Variants in NPAS2 observed in about 807,000 individuals in gnomAD.
NPAS2 encodes the protein neuronal PAS domain protein 2.
Under a neutral mutation model 107.5 loss-of-function variants are expected in NPAS2, and 23 were observed. That is an observed-to-expected ratio of 0.21 (90% CI 0.15 to 0.30). The LOEUF is 0.30. Among genes scored for constraint, NPAS2 ranks in the 10% least tolerant of loss-of-function variants. NPAS2 has a pLI of 1.00. For missense variants in NPAS2, 756 were observed against 1,043.3 expected (o/e 0.72, Z 3.79); for synonymous variants, 403 against 417.5 (o/e 0.97, Z 0.42).
chr2:100,975,032 C>A lies in NPAS2; in HGVS notation c.1282+88C>A, dbSNP rs539184172. 2.7e-6 allele frequency: 4 copies of A among 1,458,774 alleles called. No individual in the cohort carries two copies. The African/African-American group carries it at 4.2e-5, about 15-fold the overall frequency. The allele number at this position is 1,458,774 out of a possible 1,614,324, so 90.4% of individuals were successfully genotyped here. A position where few individuals can be genotyped will look rare whatever the true frequency, so the allele number is the denominator to read the frequency against. On this transcript the variant is annotated intron_variant, in intron 13 of 20. Transcript: ENST00000335681. ...AGAGGGTCCCGGGCCCAAGTGGAAT[C>A]AGGGCAGTCTGTGCCTCCGACAGAG...
Position 100,937,744 on chromosome 2 carries a change from T to C in NPAS2, c.274-9T>C. On this transcript the variant is annotated splice_polypyrimidine_tract_variant and intron_variant, in intron 4 of 20. Transcript: ENST00000335681. ...GCTAAGGAGCTTTCAAATGTTGCAT[T>C]TTCCACAGGCATTAGATGGCTTCAT... The C allele has an allele frequency of 6.2e-7, 1 of 1,611,632 alleles. No individual in the cohort carries two copies. Among genetic ancestry groups the C allele is most frequent in the Non-Finnish European group, 8.5e-7 (1 of 1,177,676 alleles).
At chr2:100,917,171 A>G (rs1468098415) in intron 2 of NPAS2, among the ~76,000 whole-genome samples, 1 of 152,216 alleles carries the variant, frequency 6.6e-6, no homozygotes, top group Non-Finnish European at 1.5e-5. Flanking sequence ...ATAAACACAG[A>G]AAGTAATAAA....
chr2:100,832,208 G>C (rs144679539), intron 1 of NPAS2, among the ~76,000 whole-genome samples: 7 of 152,296 alleles, frequency 4.6e-5, no homozygotes, highest in African/African-American at 7.2e-5. Flanking sequence ...GAACTGTGCT[G>C]ATTCCTGACT....
chr2:100,859,013 C>T (rs979970110), intron 1 of NPAS2, among the ~76,000 whole-genome samples: 8 of 152,112 alleles, frequency 5.3e-5, no homozygotes, highest in Non-Finnish European at 1.2e-4. Context: ...GCCTGTAATC[C>T]CAGCACTTTG....
At chr2:100,919,414 C>T (rs980729790) in intron 2 of NPAS2, among the ~76,000 whole-genome samples, 2 of 152,208 alleles carry the variant, frequency 1.3e-5, no homozygotes, top group African/African-American at 4.8e-5. Context: ...TTTAAAGCAC[C>T]CACCGTCAGC....
intron 7 of NPAS2, among the ~76,000 whole-genome samples, chr2:100,962,602 G>A (rs1312321805): frequency 1.3e-5 from 2 of 152,218 alleles, no homozygotes; most frequent in Non-Finnish European, 2.9e-5. Context: ...TAGGGCCCAG[G>A]CAGCGGTGCC....
Position 100,977,662 on chromosome 2 carries a change from C to T in NPAS2, c.1393-48C>T, listed in dbSNP as rs546703948. On this transcript the variant is annotated intron_variant, in intron 14 of 20. Coordinates refer to ENST00000335681, the MANE Select transcript of NPAS2 (RefSeq NM_002518.4). ...GGACCAAGAGACCACATCCCTGTCC[C>T]CTGGAATGGCAGAAGCAGTGGTAAC... The T allele has an allele frequency of 2.2e-4, 341 of 1,529,428 alleles. 1 individual carries two copies. The South Asian group carries it at 2.8e-3, about 13-fold the overall frequency. 94.7% of individuals were successfully genotyped at this position (1,529,428 alleles called of 1,614,324 possible).
chr2:100,842,009 T>C (rs1461983092), intron 1 of NPAS2, among the ~76,000 whole-genome samples: 1 of 151,850 alleles, frequency 6.6e-6, no homozygotes. Context: ...ACAGTACACA[T>C]ATACACACAT....
chr2:100,954,709 G>C (rs1180714066), intron 7 of NPAS2, among the ~76,000 whole-genome samples: 1 of 142,810 alleles, frequency 7.0e-6, no homozygotes, highest in East Asian at 2.0e-4. Flanking sequence ...AAAGAAACTA[G>C]AAAACATAGC....
chr2:100,876,811 C>T (rs1337263853), intron 1 of NPAS2, among the ~76,000 whole-genome samples: 5 of 152,192 alleles, frequency 3.3e-5, no homozygotes, highest in African/African-American at 9.7e-5. Context: ...GCAGAGAGCA[C>T]TCCCCGACTC....
At chr2:100,871,804 A>G (rs1376602623) in intron 1 of NPAS2, among the ~76,000 whole-genome samples, 2 of 152,102 alleles carry the variant, frequency 1.3e-5, no homozygotes, top group African/African-American at 2.4e-5. Flanking sequence ...TCATCTCTGC[A>G]TGCTGAAAGA....
intron 1 of NPAS2, among the ~76,000 whole-genome samples, chr2:100,895,044 C>G (rs12986838): frequency 0.43 from 65,725 of 151,992 alleles, 15,261 homozygotes; most frequent in African/African-American, 0.59. Flanking sequence ...GTACTGTATA[C>G]AGTTATCACT....
intron 1 of NPAS2, among the ~76,000 whole-genome samples, chr2:100,860,174 A>T (rs1678850279): frequency 6.6e-6 from 1 of 152,134 alleles, no homozygotes; most frequent in Non-Finnish European, 1.5e-5. Context: ...TGGTTCTCTA[A>T]GTCTTCACTT....
rs10165773 is a variant in NPAS2, at chr2:100,852,823, C to G, written c.-23+32409C>G. 9.0e-3 allele frequency among the ~76,000 whole-genome samples: 1,366 copies of G among 152,222 alleles called. 20 individuals carry two copies. The highest frequency in any genetic ancestry group is 0.032 in the African/African-American group (1,314 of 41,532). On this transcript the variant is annotated intron_variant, in intron 1 of 20. Coordinates refer to ENST00000335681, the MANE Select transcript of NPAS2 (RefSeq NM_002518.4). ...GCCTGCCCCCTGCACAGGCACCAGACTCGGTAGGTTAGCACTAGTTCCTGC... is the reference window on the plus strand; with the variant it reads ...GCCTGCCCCCTGCACAGGCACCAGAGTCGGTAGGTTAGCACTAGTTCCTGC...
intron 12 of NPAS2, among the ~76,000 whole-genome samples, chr2:100,974,231 T>C (rs1342850654): frequency 6.6e-6 from 1 of 152,196 alleles, no homozygotes; most frequent in Non-Finnish European, 1.5e-5. Context: ...TCACAGCTGC[T>C]TTCTCGTCAC....
intron 10 of NPAS2, among the ~76,000 whole-genome samples, chr2:100,967,802 G>A (rs1368469696): frequency 2.0e-5 from 3 of 152,126 alleles, no homozygotes; most frequent in Non-Finnish European, 4.4e-5. Flanking sequence ...ATCTGTCCCC[G>A]ACTCTTTATT....
chr2:100,967,161 T>A (rs1020314039), intron 10 of NPAS2, among the ~76,000 whole-genome samples: 1 of 151,904 alleles, frequency 6.6e-6, no homozygotes, highest in African/African-American at 2.4e-5. Flanking sequence ...AAGACCTCCT[T>A]GCCCTGTGGA....
chr2:100,915,262 C>T (rs187879966), intron 2 of NPAS2, among the ~76,000 whole-genome samples: 1 of 152,252 alleles, frequency 6.6e-6, no homozygotes, highest in Non-Finnish European at 1.5e-5. Flanking sequence ...CTGCTTTCTT[C>T]CCCCTTGCTC....
intron 2 of NPAS2, among the ~76,000 whole-genome samples, chr2:100,920,079 C>T (rs1490501533): frequency 6.6e-6 from 1 of 152,138 alleles, no homozygotes; most frequent in East Asian, 1.9e-4. Context: ...AGAACAAATA[C>T]TCTTCCTGTC....
Sources: allele counts gnomAD v4.1 joint callset (sites outside exome capture counted in the v4.1 genomes callset), GRCh38; gene constraint gnomAD v4.1.1; transcripts MANE v1.5; gene names NCBI Gene and HGNC (gene_info 2026-07-23, HGNC 2026-07-21).